Variants in UNC13C observed in about 807,000 individuals in gnomAD.
UNC13C encodes the protein unc-13 homolog C.
A neutral mutation model predicts 245.4 loss-of-function variants in UNC13C; 174 were observed. That is an observed-to-expected ratio of 0.71 (90% CI 0.63 to 0.80). The LOEUF is 0.80. Among genes scored for constraint, UNC13C ranks in the 30% least tolerant of loss-of-function variants. UNC13C has a pLI of 0.00. For missense variants in UNC13C, 2,829 were observed against 2,602.9 expected (o/e 1.09, Z -1.89); for synonymous variants, 992 against 895.1 (o/e 1.11, Z -1.93).
At chr15:53,971,865 G>T in the UNC13C span, among the ~76,000 whole-genome samples, 1 of 152,100 alleles carries the variant, frequency 6.6e-6, no homozygotes, top group Non-Finnish European at 1.5e-5. Flanking sequence ...AGCTGATACT[G>T]TCAAGTACTT....
At chr15:54,369,516 T>C (rs1270963997) in intron 17 of UNC13C, among the ~76,000 whole-genome samples, 2 of 152,172 alleles carry the variant, frequency 1.3e-5, no homozygotes, top group Non-Finnish European at 2.9e-5. Flanking sequence ...ACAAATTTTA[T>C]ATCTACCTAA....
chr15:54,110,042 CTG>C (rs1900686662), intron 2 of UNC13C, among the ~76,000 whole-genome samples: 1 of 152,074 alleles, frequency 6.6e-6, no homozygotes, highest in African/African-American at 2.4e-5. Context: ...CTTTGGAAGG[CTG>C]AAGCAGACAG....
chr15:54,286,553 T>C (rs1381863486), intron 10 of UNC13C, among the ~76,000 whole-genome samples: 1 of 152,188 alleles, frequency 6.6e-6, no homozygotes, highest in Non-Finnish European at 1.5e-5. Flanking sequence ...AGCGTTTCTC[T>C]AGGTAGAGCG....
intron 2 of UNC13C, among the ~76,000 whole-genome samples, chr15:54,132,821 A>G (rs1437929060): frequency 1.3e-5 from 2 of 152,202 alleles, no homozygotes; most frequent in African/African-American, 2.4e-5. Flanking sequence ...GGAAATTTAT[A>G]CTGTGTTATC....
chr15:54,342,925 G>C (rs2038769413), intron 17 of UNC13C, among the ~76,000 whole-genome samples: 1 of 152,000 alleles, frequency 6.6e-6, no homozygotes, highest in African/African-American at 2.4e-5. Flanking sequence ...TTTAAAACTT[G>C]GTCCTCCAGG....
intron 1 of UNC13C, among the ~76,000 whole-genome samples, chr15:54,012,192 A>G (rs1895410278): frequency 1.3e-5 from 2 of 152,190 alleles, no homozygotes; most frequent in Non-Finnish European, 2.9e-5. Context: ...GAATCAAAAG[A>G]GGTTATATAT....
chr15:54,038,116 ATATATATATTTT>A lies in UNC13C; in HGVS notation c.2983+22232_2983+22243del, dbSNP rs1437691097. Among the ~76,000 whole-genome samples, 2 of 22,596 alleles carry A rather than the reference ATATATATATTTT, an allele frequency of 8.9e-5. 1 individual carries two copies. The highest frequency in any genetic ancestry group is 3.7e-4 in the African/African-American group (2 of 5,394). The allele number at this position is 22,596 out of a possible 152,430, so 14.8% of individuals were successfully genotyped here. A position where few individuals can be genotyped will look rare whatever the true frequency, so the allele number is the denominator to read the frequency against. ...TACATATACATATATATATATATAT[ATATATATATTTT>A]TTTTTTTTTTTTCCTGAGACAGAGT... On this transcript the variant is annotated intron_variant, in intron 2 of 32. Transcript: ENST00000260323.
intron 19 of UNC13C, among the ~76,000 whole-genome samples, chr15:54,454,928 TAC>T (rs1891393411): frequency 6.6e-6 from 1 of 151,810 alleles, no homozygotes; most frequent in African/African-American, 2.4e-5. Flanking sequence ...GTCAGTAGTA[TAC>T]ACTACACCAA....
intron 1 of UNC13C, among the ~76,000 whole-genome samples, chr15:53,996,185 T>G: frequency 6.6e-6 from 1 of 152,174 alleles, no homozygotes; most frequent in East Asian, 1.9e-4. Flanking sequence ...ATATTAGAGA[T>G]GTACAGCAAA....
Position 54,627,170 on chromosome 15 carries a change from G to C in UNC13C, c.*57G>C. ...AATTGTTTGACTACTGCATGCATGT[G>C]CAAATACATGGGAATGTTTAGTTCA... On this transcript the variant is annotated 3_prime_UTR_variant, in exon 33 of 33. Coordinates refer to ENST00000260323, the MANE Select transcript of UNC13C (RefSeq NM_001080534.3). 6.7e-7 allele frequency: 1 copy of C among 1,483,446 alleles called. No homozygotes were observed. Among genetic ancestry groups the C allele is most frequent in the African/African-American group, 1.4e-5 (1 of 72,028 alleles). 91.9% of individuals were successfully genotyped at this position (1,483,446 alleles called of 1,614,324 possible). A position where few individuals can be genotyped will look rare whatever the true frequency, so the allele number is the denominator to read the frequency against.
chr15:53,957,583 A>G, the UNC13C span, among the ~76,000 whole-genome samples: 1 of 151,616 alleles, frequency 6.6e-6, no homozygotes, highest in African/African-American at 2.4e-5. Flanking sequence ...TACACTATAT[A>G]TATAGTAGTA....
intron 22 of UNC13C, among the ~76,000 whole-genome samples, chr15:54,503,279 A>G (rs527362463): frequency 7.9e-5 from 12 of 152,310 alleles, no homozygotes; most frequent in East Asian, 3.9e-4. Context: ...ATTCTATTTT[A>G]TTGGAATGAT....
At chr15:54,130,339 C>T (rs2031335500) in intron 2 of UNC13C, among the ~76,000 whole-genome samples, 1 of 133,912 alleles carries the variant, frequency 7.5e-6, no homozygotes, top group Admixed American at 8.7e-5. Flanking sequence ...GTCTCCCAGG[C>T]TGGAGTGCAG....
intron 18 of UNC13C, among the ~76,000 whole-genome samples, chr15:54,400,628 T>G (rs903968587): frequency 6.6e-6 from 1 of 152,178 alleles, no homozygotes; most frequent in Non-Finnish European, 1.5e-5. Flanking sequence ...TTAACCTTGA[T>G]TAGTGCTGAC....
chr15:54,167,880 A>G (rs888153623), intron 4 of UNC13C, among the ~76,000 whole-genome samples: 2 of 152,186 alleles, frequency 1.3e-5, no homozygotes, highest in Non-Finnish European at 2.9e-5. Context: ...AAAAATGCAC[A>G]TCACTAGTTT....
intron 4 of UNC13C, among the ~76,000 whole-genome samples, chr15:54,158,037 A>G (rs1038832606): frequency 9.9e-5 from 15 of 152,228 alleles, no homozygotes; most frequent in African/African-American, 2.9e-4. Context: ...ATAATTGTTT[A>G]CCTCTTGAAA....
intron 1 of UNC13C, among the ~76,000 whole-genome samples, chr15:53,983,247 T>C (rs1893997275): frequency 6.6e-6 from 1 of 152,084 alleles, no homozygotes; most frequent in East Asian, 1.9e-4. Flanking sequence ...GTAAAGAATA[T>C]GTACCTACTG....
chr15:54,281,967 TTTCA>T (rs1196651855), intron 10 of UNC13C, among the ~76,000 whole-genome samples: 4 of 152,184 alleles, frequency 2.6e-5, no homozygotes, highest in African/African-American at 9.7e-5. Flanking sequence ...TGTTTTTGAG[TTTCA>T]TTCATGTGGG....
intron 18 of UNC13C, among the ~76,000 whole-genome samples, chr15:54,407,307 A>T (rs1205597055): frequency 6.6e-6 from 1 of 152,196 alleles, no homozygotes; most frequent in Non-Finnish European, 1.5e-5. Context: ...GGCAAATTCC[A>T]TAGGTAGACC....
Sources: gnomAD v4.1 joint callset for allele counts (sites outside exome capture counted in the v4.1 genomes callset) on GRCh38, gnomAD v4.1.1 for gene constraint, MANE v1.5 for transcripts, NCBI Gene and HGNC (gene_info 2026-07-23, HGNC 2026-07-21) for gene names.